BMPR2: variants seen among roughly 807,000 people sequenced by gnomAD.
BMPR2 encodes the protein bone morphogenetic protein receptor type 2, also known as bone morphogenetic protein receptor type-2.
Under a neutral mutation model 100.8 loss-of-function variants are expected in BMPR2, and 29 were observed. The ratio of observed to expected loss-of-function variants is 0.29; its 90% CI spans 0.21 to 0.39. The LOEUF (loss-of-function observed/expected upper bound fraction) is 0.39. Ranked by LOEUF, BMPR2 falls within the 10% of genes least tolerant of loss-of-function variation. The probability of loss-of-function intolerance (pLI) is 1.00; values close to 1 mark genes in which losing one functional copy is unlikely to be tolerated. For synonymous variants in BMPR2, 382 were observed against 442.3 expected (o/e 0.86, Z 1.71); for missense variants, 1,011 against 1,274.5 (o/e 0.79, Z 3.15).
chr2:202,410,630 A>G (rs1690993882), intron 1 of BMPR2, among the ~76,000 whole-genome samples: 1 of 152,188 alleles, frequency 6.6e-6, no homozygotes, highest in African/African-American at 2.4e-5. Flanking sequence ...CCCAGGCTGG[A>G]GTGCAGTGGC....
intron 1 of BMPR2, among the ~76,000 whole-genome samples, chr2:202,401,652 C>T (rs1690770987): frequency 6.6e-6 from 1 of 152,036 alleles, no homozygotes; most frequent in Non-Finnish European, 1.5e-5. Context: ...TATAAATGAG[C>T]AGTATTTTGG....
intron 10 of BMPR2, 74 bp from the exon 11 acceptor site, chr2:202,552,642 A>G: frequency 4.0e-6 from 6 of 1,510,488 alleles, no homozygotes; most frequent in South Asian, 1.1e-5. Context: ...CTTTTACCTC[A>G]TGTGGTAAAC....
At chr2:202,482,421 T>G (rs1051324406) in intron 3 of BMPR2, among the ~76,000 whole-genome samples, 1 of 152,232 alleles carries the variant, frequency 6.6e-6, no homozygotes, top group African/African-American at 2.4e-5. Context: ...TTGCCTAGAC[T>G]GGAGTGCAGT....
chr2:202,380,932 T>C (rs1383368849), intron 1 of BMPR2, among the ~76,000 whole-genome samples: 2 of 148,344 alleles, frequency 1.3e-5, no homozygotes, highest in Non-Finnish European at 3.0e-5. Flanking sequence ...GCCCTGGCCC[T>C]GGCCCTGGCC....
At chr2:202,438,036 A>G (rs112937342) in intron 1 of BMPR2, among the ~76,000 whole-genome samples, 1,594 of 150,334 alleles carry the variant, frequency 0.011, 157 homozygotes, top group African/African-American at 0.037. Context: ...TTTTATGGCC[A>G]GGCACAGTGG....
At chr2:202,525,952 G>A (rs1163446613) in intron 7 of BMPR2, among the ~76,000 whole-genome samples, 1 of 131,006 alleles carries the variant, frequency 7.6e-6, no homozygotes, top group Non-Finnish European at 1.5e-5. Context: ...TGCAACCTCC[G>A]CCTCCCGGGT....
At chr2:202,474,327 G>A (rs951444580) in intron 3 of BMPR2, among the ~76,000 whole-genome samples, 1 of 151,242 alleles carries the variant, frequency 6.6e-6, no homozygotes, top group Non-Finnish European at 1.5e-5. Flanking sequence ...GTGGTGGCAT[G>A]TGCCTGCAGT....
At chr2:202,405,161 CT>C (rs1000419158) in intron 1 of BMPR2, among the ~76,000 whole-genome samples, 35 of 151,968 alleles carry the variant, frequency 2.3e-4, no homozygotes, top group African/African-American at 8.2e-4. Flanking sequence ...CATTGGTCAG[CT>C]TTTTCTTATT....
At chr2:202,515,239 A>G (rs958904105) in intron 5 of BMPR2, among the ~76,000 whole-genome samples, 5 of 152,098 alleles carry the variant, frequency 3.3e-5, no homozygotes, top group Non-Finnish European at 7.3e-5. Context: ...CTATGAAGAA[A>G]AGTACAGTGG....
chr2:202,399,424 A>T (rs1690716968), intron 1 of BMPR2, among the ~76,000 whole-genome samples: 1 of 152,222 alleles, frequency 6.6e-6, no homozygotes, highest in South Asian at 2.1e-4. Context: ...TGTGGCTCGA[A>T]TGTTGTGAAC....
At chr2:202,454,481 G>A (rs1692051247) in intron 1 of BMPR2, among the ~76,000 whole-genome samples, 4 of 152,128 alleles carry the variant, frequency 2.6e-5, no homozygotes. Flanking sequence ...ATAAAGCCAA[G>A]AGGCCTGGTA....
At chr2:202,511,700 G>C (rs996440129) in intron 3 of BMPR2, among the ~76,000 whole-genome samples, 1 of 152,030 alleles carries the variant, frequency 6.6e-6, no homozygotes, top group Non-Finnish European at 1.5e-5. Flanking sequence ...GAGGCACAAT[G>C]ATCAATGTGT....
intron 3 of BMPR2, among the ~76,000 whole-genome samples, chr2:202,478,915 G>C (rs1442034697): frequency 2.0e-5 from 3 of 152,012 alleles, no homozygotes; most frequent in African/African-American, 4.8e-5. Flanking sequence ...GACAGACCGA[G>C]ACCCTGTCTC....
At chr2:202,542,905 G>A (rs1035375187) in intron 10 of BMPR2, among the ~76,000 whole-genome samples, 6 of 151,826 alleles carry the variant, frequency 4.0e-5, no homozygotes, top group Non-Finnish European at 2.9e-5. Context: ...GGCTGGGTGC[G>A]GTGGCTCACA....
chr2:202,518,616 T>G (rs907676652), intron 5 of BMPR2, among the ~76,000 whole-genome samples: 2 of 152,198 alleles, frequency 1.3e-5, no homozygotes, highest in Non-Finnish European at 2.9e-5. Flanking sequence ...TTGTCCAGCA[T>G]TTATAAATGT....
chr2:202,399,267 G>A (rs1690714271), intron 1 of BMPR2, among the ~76,000 whole-genome samples: 1 of 152,214 alleles, frequency 6.6e-6, no homozygotes, highest in African/African-American at 2.4e-5. Flanking sequence ...GGTCAGTGAA[G>A]CTTTCCTTAT....
chr2:202,402,648 T>TTTTG (rs1690788839), intron 1 of BMPR2, among the ~76,000 whole-genome samples: 1 of 146,326 alleles, frequency 6.8e-6, no homozygotes, highest in African/African-American at 2.5e-5. Flanking sequence ...AAAACTTGCA[T>TTTTG]TGTGTGTGTG....
chr2:202,498,998 G>A (rs950731811), intron 3 of BMPR2, among the ~76,000 whole-genome samples: 5 of 143,014 alleles, frequency 3.5e-5, no homozygotes, highest in Non-Finnish European at 6.2e-5. Context: ...TCCTATTAAT[G>A]ATAATCCTCC....
rs572532246 is a variant in BMPR2, at chr2:202,437,681, C to G, written c.77-27128C>G. On this transcript the variant is annotated intron_variant, in intron 1 of 12. Transcript: ENST00000374580. ...ACTTTCTGTCTCAAATTTGCCTGTT[C>G]TAGACATATCCTGTAAGTTGAGTCG... 2.0e-5 allele frequency among the ~76,000 whole-genome samples: 3 copies of G among 150,668 alleles called. No homozygotes were observed. In the South Asian group the frequency reaches 6.2e-4, roughly 31 times the overall value.
Sources: gnomAD v4.1 joint callset for allele counts (sites outside exome capture counted in the v4.1 genomes callset) on GRCh38, gnomAD v4.1.1 for gene constraint, MANE v1.5 for transcripts, NCBI Gene and HGNC (gene_info 2026-07-23, HGNC 2026-07-21) for gene names.